The following HTR1F variants were observed in gnomAD, a reference collection of about 807,000 sequenced individuals.
HTR1F encodes the protein 5-hydroxytryptamine (serotonin) receptor 1F, G protein-coupled.
A neutral mutation model predicts 24.0 loss-of-function variants in HTR1F; 17 were observed. That is an observed-to-expected ratio of 0.71 (90% CI 0.48 to 1.06). The LOEUF is 1.06. Ranked by LOEUF, HTR1F falls within the 50% of genes least tolerant of loss-of-function variation. HTR1F has a pLI of 0.00. For synonymous variants in HTR1F, 186 were observed against 156.8 expected (o/e 1.19, Z -1.39); for missense variants, 391 against 427.8 (o/e 0.91, Z 0.76).
At chr3:87,830,026 G>C (rs541516796) in intron 2 of HTR1F, among the ~76,000 whole-genome samples, 1 of 152,076 alleles carries the variant, frequency 6.6e-6, no homozygotes, top group Non-Finnish European at 1.5e-5. Flanking sequence ...GCATTTTCTA[G>C]TCTTATTTAC....
At chr3:87,858,325 G>C (rs562355142) in intron 2 of HTR1F, among the ~76,000 whole-genome samples, 9 of 152,244 alleles carry the variant, frequency 5.9e-5, no homozygotes, top group Admixed American at 5.2e-4. Flanking sequence ...TCCTGTGAAC[G>C]TCTGCAGAAG....
chr3:87,961,254 C>T (rs747821), intron 2 of HTR1F, among the ~76,000 whole-genome samples: 75,219 of 151,844 alleles, frequency 0.5, 21,403 homozygotes, highest in African/African-American at 0.8. Context: ...AGAATACTAA[C>T]GAATGATATT....
chr3:87,869,580 C>A (rs1705511610), intron 2 of HTR1F, among the ~76,000 whole-genome samples: 1 of 152,014 alleles, frequency 6.6e-6, no homozygotes, highest in African/African-American at 2.4e-5. Flanking sequence ...CCCAAGAGAG[C>A]TGATGATGTA....
At chr3:87,902,273 A>G (rs1305398045) in intron 2 of HTR1F, among the ~76,000 whole-genome samples, 3 of 152,174 alleles carry the variant, frequency 2.0e-5, no homozygotes, top group East Asian at 3.8e-4. Flanking sequence ...CGCAGAAATA[A>G]TCACCTGATT....
intron 2 of HTR1F, among the ~76,000 whole-genome samples, chr3:87,892,087 C>T (rs1706098242): frequency 6.6e-6 from 1 of 152,162 alleles, no homozygotes; most frequent in African/African-American, 2.4e-5. Context: ...TTGGTATCAG[C>T]CCCTTTATTT....
intron 1 of HTR1F, among the ~76,000 whole-genome samples, chr3:87,810,748 A>G (rs1050892081): frequency 6.6e-6 from 1 of 152,196 alleles, no homozygotes; most frequent in African/African-American, 2.4e-5. Flanking sequence ...AATTATTTCA[A>G]TATGAACTCA....
intron 1 of HTR1F, among the ~76,000 whole-genome samples, chr3:87,821,275 T>G (rs1282168877): frequency 6.6e-6 from 1 of 152,200 alleles, no homozygotes. Context: ...TATGAATCTT[T>G]TATTTTCCAA....
chr3:87,799,945 T>C (rs1351317438), intron 1 of HTR1F, among the ~76,000 whole-genome samples: 1 of 152,164 alleles, frequency 6.6e-6, no homozygotes, highest in Non-Finnish European at 1.5e-5. Context: ...ACTCTCCAAA[T>C]TTCTTTTTTA....
chr3:87,879,725 G>A (rs962691113), intron 2 of HTR1F, among the ~76,000 whole-genome samples: 1 of 152,002 alleles, frequency 6.6e-6, no homozygotes, highest in African/African-American at 2.4e-5. Flanking sequence ...TCCATAAAAT[G>A]AATATTTCAT....
At chr3:87,988,641 T>C (rs1422744601) in intron 2 of HTR1F, among the ~76,000 whole-genome samples, 1 of 152,156 alleles carries the variant, frequency 6.6e-6, no homozygotes. Context: ...TGAGGTGCAG[T>C]GGCACGATTT....
intron 2 of HTR1F, among the ~76,000 whole-genome samples, chr3:87,929,219 C>A (rs1704200365): frequency 6.6e-6 from 1 of 152,088 alleles, no homozygotes; most frequent in Admixed American, 6.6e-5. Flanking sequence ...GAACAGAAAG[C>A]ACATGGCACC....
chr3:87,891,202 T>C (rs1212772418), intron 2 of HTR1F, among the ~76,000 whole-genome samples: 1 of 152,190 alleles, frequency 6.6e-6, no homozygotes, highest in Non-Finnish European at 1.5e-5. Flanking sequence ...CTCATTTTAA[T>C]TTGAATTCAA....
At chr3:87,835,948 A>G (rs1704674323) in intron 2 of HTR1F, among the ~76,000 whole-genome samples, 1 of 152,164 alleles carries the variant, frequency 6.6e-6, no homozygotes, top group Admixed American at 6.5e-5. Context: ...AGTGCAAAGG[A>G]CCCTAACTTG....
At chr3:87,951,246 CAT>C (rs1704826617) in intron 2 of HTR1F, among the ~76,000 whole-genome samples, 2 of 152,108 alleles carry the variant, frequency 1.3e-5, no homozygotes, top group South Asian at 4.1e-4. Flanking sequence ...ATGTCTAAAA[CAT>C]ATTATTTATA....
chr3:87,913,068 A>G (rs992595408), intron 2 of HTR1F, among the ~76,000 whole-genome samples: 2 of 152,148 alleles, frequency 1.3e-5, no homozygotes, highest in Non-Finnish European at 2.9e-5. Context: ...CAACTGCAAC[A>G]AAAGCAAAAA....
At chr3:87,827,852 T>A (rs1397245905) in intron 2 of HTR1F, among the ~76,000 whole-genome samples, 1 of 152,176 alleles carries the variant, frequency 6.6e-6, no homozygotes, top group Admixed American at 6.5e-5. Context: ...GTATCATAGT[T>A]TCAGTACAAC....
intron 2 of HTR1F, among the ~76,000 whole-genome samples, chr3:87,987,807 T>G (rs1705705913): frequency 7.4e-6 from 1 of 135,768 alleles, no homozygotes; most frequent in East Asian, 2.0e-4. Flanking sequence ...ATATATGTAT[T>G]ATATATGTAT....
intron 1 of HTR1F, among the ~76,000 whole-genome samples, chr3:87,799,682 T>C (rs1280813861): frequency 6.6e-6 from 1 of 152,208 alleles, no homozygotes; most frequent in East Asian, 1.9e-4. Flanking sequence ...CACTATCTGA[T>C]ACAACATTAT....
chr3:87,964,558 G>C (rs1449297526), intron 2 of HTR1F, among the ~76,000 whole-genome samples: 1 of 152,050 alleles, frequency 6.6e-6, no homozygotes, highest in African/African-American at 2.4e-5. Flanking sequence ...TTACCAATAG[G>C]ACAGAGTGCT....
Sources: allele counts gnomAD v4.1 joint callset (sites outside exome capture counted in the v4.1 genomes callset), GRCh38; gene constraint gnomAD v4.1.1; transcripts MANE v1.5; gene names NCBI Gene and HGNC (gene_info 2026-07-23, HGNC 2026-07-21).